CPEB1: variants seen among roughly 807,000 people sequenced by gnomAD.
The protein encoded by CPEB1 is cytoplasmic polyadenylation element-binding protein 1.
In CPEB1, 7 loss-of-function variants were observed where a neutral mutation model predicts 65.8. The observed-to-expected ratio is 0.11, with a 90% confidence interval of 0.06 to 0.20. The LOEUF is 0.20. CPEB1 is among the 10% of genes least tolerant of loss of function. The probability of loss-of-function intolerance (pLI) is 1.00; values close to 1 mark genes in which losing one functional copy is unlikely to be tolerated. For synonymous variants in CPEB1, 262 were observed against 260.0 expected, an observed-to-expected ratio of 1.01 and a Z score of -0.08; for missense variants, 551 against 712.2, an observed-to-expected ratio of 0.77 and a Z score of 2.58.
chr15:82,595,180 G>A (rs1426323677), intron 3 of CPEB1, among the ~76,000 whole-genome samples: 1 of 152,136 alleles, frequency 6.6e-6, no homozygotes, highest in Non-Finnish European at 1.5e-5. Flanking sequence ...AATAATATGA[G>A]GTATGCCTGT....
chr15:82,614,491 G>A (rs1412595238), intron 3 of CPEB1, among the ~76,000 whole-genome samples: 2 of 152,126 alleles, frequency 1.3e-5, no homozygotes, highest in African/African-American at 4.8e-5. Flanking sequence ...AAAAATTACT[G>A]AAGTCTAAAT....
intron 3 of CPEB1, among the ~76,000 whole-genome samples, chr15:82,606,278 G>T (rs574529368): frequency 1.3e-5 from 2 of 151,226 alleles, no homozygotes; most frequent in South Asian, 4.2e-4. Context: ...GACCAGCCTG[G>T]CCAACATGGC....
intron 3 of CPEB1, among the ~76,000 whole-genome samples, chr15:82,606,758 C>T (rs1322820481): frequency 1.7e-5 from 1 of 57,710 alleles, no homozygotes; most frequent in African/African-American, 7.8e-5. Flanking sequence ...GCGGAGCTTG[C>T]AGTGAGCCGA....
intron 3 of CPEB1, among the ~76,000 whole-genome samples, chr15:82,610,748 A>C (rs1184837547): frequency 6.6e-6 from 1 of 151,830 alleles, no homozygotes; most frequent in Non-Finnish European, 1.5e-5. Flanking sequence ...ACCTGAGGTC[A>C]GGAGTTGGAG....
Position 82,637,551 on chromosome 15 carries a change from G to A in CPEB1, c.-97-8995C>T, listed in dbSNP as rs181953607. 1.2e-4 allele frequency among the ~76,000 whole-genome samples: 18 copies of A among 151,932 alleles called. 1 individual carries two copies. Among genetic ancestry groups the A allele is most frequent in the African/African-American group, 3.6e-4 (15 of 41,354 alleles). On this transcript the variant is annotated intron_variant, in intron 1 of 12. Transcript: ENST00000684509. ...TCCGTACGGAGTACCCCATCTCTAC[G>A]GCCTTTACTCATCTCTTTAACCCTC... is the stretch of plus-strand genomic sequence containing the variant.
chr15:82,628,831 T>C, intron 1 of CPEB1: 1 of 176,098 alleles, frequency 5.7e-6, no homozygotes, highest in Non-Finnish European at 1.2e-5. Flanking sequence ...TATTTTCTCT[T>C]ATGATTTTCT....
chr15:82,577,687 T>C (rs1446151272), intron 3 of CPEB1, among the ~76,000 whole-genome samples: 1 of 151,970 alleles, frequency 6.6e-6, no homozygotes, highest in Non-Finnish European at 1.5e-5. Flanking sequence ...GCTAATTTTT[T>C]TGGGAAGTAT....
At chr15:82,617,979 C>A (rs1309134276) in intron 3 of CPEB1, among the ~76,000 whole-genome samples, 1 of 151,346 alleles carries the variant, frequency 6.6e-6, no homozygotes, top group Non-Finnish European at 1.5e-5. Flanking sequence ...GTGATCCGCC[C>A]GCCTCGGCCT....
chr15:82,584,931 C>CA lies in CPEB1; in HGVS notation c.272-13400dup, dbSNP rs539220088. Among the ~76,000 whole-genome samples, 70 of 24,010 alleles carry CA rather than the reference C, an allele frequency of 2.9e-3. No homozygotes were observed. The African/African-American group carries it at 0.036, about 12-fold the overall frequency. 15.8% of individuals were successfully genotyped at this position (24,010 alleles called of 152,430 possible). A position where few individuals can be genotyped will look rare whatever the true frequency, so the allele number is the denominator to read the frequency against. On this transcript the variant is annotated intron_variant, in intron 3 of 12. Transcript: ENST00000684509. ...TTTTTTTTTTTTTTTTTACAGTGAA[C>CA]ACATTGTAACAAGAAAAAAAATGCA...
At chr15:82,589,576 T>A (rs1027033120) in intron 3 of CPEB1, among the ~76,000 whole-genome samples, 1 of 152,086 alleles carries the variant, frequency 6.6e-6, no homozygotes, top group African/African-American at 2.4e-5. Context: ...AAACCCTGTC[T>A]CTACCAAAAA....
At chr15:82,599,820 T>G (rs1367261249) in intron 3 of CPEB1, among the ~76,000 whole-genome samples, 2 of 151,774 alleles carry the variant, frequency 1.3e-5, no homozygotes, top group Non-Finnish European at 2.9e-5. Context: ...ATTTAAAACC[T>G]CAAAGATGGA....
chr15:82,571,222 G>A, intron 4 of CPEB1, 122 bp downstream of exon 4: 15 of 1,283,422 alleles, frequency 1.2e-5, no homozygotes, highest in Non-Finnish European at 1.6e-5. Flanking sequence ...ACAGCTCCAT[G>A]TTGTATGTGT....
intron 3 of CPEB1, among the ~76,000 whole-genome samples, chr15:82,610,295 T>C (rs1016097090): frequency 8.6e-5 from 13 of 151,978 alleles, no homozygotes; most frequent in Non-Finnish European, 1.5e-4. Flanking sequence ...AAAGAATAAA[T>C]ACCAATTATT....
chr15:82,573,318 T>C (rs759834704), intron 3 of CPEB1: 8 of 698,648 alleles, frequency 1.1e-5, no homozygotes, highest in Non-Finnish European at 1.8e-5. Context: ...TTGCTCCCTA[T>C]CTGTGTTTGT....
intron 1 of CPEB1, among the ~76,000 whole-genome samples, chr15:82,642,924 G>GT (rs1157529682): frequency 6.6e-6 from 1 of 152,160 alleles, no homozygotes; most frequent in Non-Finnish European, 1.5e-5. Context: ...GTCTCAAACT[G>GT]TAAGCCAAAA....
intron 3 of CPEB1, among the ~76,000 whole-genome samples, chr15:82,622,915 T>C (rs1388613066): frequency 1.3e-5 from 2 of 152,156 alleles, no homozygotes; most frequent in Admixed American, 1.3e-4. Flanking sequence ...CCCCCCTCCT[T>C]ATGTGATCCT....
At chr15:82,591,551 G>A (rs1388267996) in intron 3 of CPEB1, among the ~76,000 whole-genome samples, 5 of 152,166 alleles carry the variant, frequency 3.3e-5, no homozygotes, top group African/African-American at 4.8e-5. Context: ...GTAGGCATGA[G>A]TCACTGTGCC....
rs1200112452 is a variant in CPEB1, at chr15:82,607,053, CAT to C, written c.271+20138_271+20139del. The stretch of plus-strand genomic sequence containing the variant: ...TAAAGAAACAAGGAAATTAAAATGT[CAT>C]AGGATTTTATACTAGAAAATATCTT... On this transcript the variant is annotated intron_variant, in intron 3 of 12. Coordinates refer to ENST00000684509, the MANE Select transcript of CPEB1 (RefSeq NM_001365242.1). Among the ~76,000 whole-genome samples, 4 of 151,892 alleles carry C rather than the reference CAT, an allele frequency of 2.6e-5. No individual in the cohort carries two copies. The East Asian group carries it at 7.7e-4, about 29-fold the overall frequency.
chr15:82,621,384 G>C (rs913468669), intron 3 of CPEB1, among the ~76,000 whole-genome samples: 1 of 151,956 alleles, frequency 6.6e-6, no homozygotes, highest in East Asian at 1.9e-4. Context: ...CACTTTGGGA[G>C]GCCGAGGCAG....
Sources: gnomAD v4.1 joint callset for allele counts (sites outside exome capture counted in the v4.1 genomes callset) on GRCh38, gnomAD v4.1.1 for gene constraint, MANE v1.5 for transcripts, NCBI Gene and HGNC (gene_info 2026-07-23, HGNC 2026-07-21) for gene names.